The following ZMYND8 variants were observed in gnomAD, a reference collection of about 807,000 sequenced individuals.
ZMYND8 encodes the protein MYND-type zinc finger-containing chromatin reader ZMYND8.
ZMYND8 carries 37 observed loss-of-function variants against 140.8 expected under a neutral mutation model. The observed-to-expected ratio is 0.26, with a 90% CI of 0.20 to 0.35. The LOEUF (loss-of-function observed/expected upper bound fraction) is 0.35. Among genes scored for constraint, ZMYND8 ranks in the 10% least tolerant of loss-of-function variants. ZMYND8 has a pLI of 1.00. For synonymous variants in ZMYND8, 592 were observed against 597.1 expected (o/e 0.99, Z 0.12); for missense variants, 1,068 against 1,570.0 (o/e 0.68, Z 5.40).
In ZMYND8 at chr20:47,249,517, A is replaced by G. The variant is rs567430196; in HGVS notation, c.1622-78T>C. On this transcript the variant is annotated intron_variant, in intron 12 of 22. Coordinates refer to ENST00000471951, the MANE Select transcript of ZMYND8 (RefSeq NM_001281775.3). ...CGGAGCTTCGTCCTTGCAAAGTCAGAGCAAAACACACATTTTAGAACATGG... is the reference window on the plus strand; with the variant it reads ...CGGAGCTTCGTCCTTGCAAAGTCAGGGCAAAACACACATTTTAGAACATGG... The G allele has an allele frequency of 1.2e-5, 18 of 1,553,310 alleles. No homozygotes were observed. In the South Asian group the frequency reaches 2.0e-4, roughly 18 times the overall value.
At chr20:47,241,062 G>A (rs553294817) in intron 14 of ZMYND8, among the ~76,000 whole-genome samples, 6 of 151,914 alleles carry the variant, frequency 3.9e-5, no homozygotes, top group South Asian at 2.1e-4. Flanking sequence ...TTGGGAGGCC[G>A]AGGCGGGCAG....
At chr20:47,214,280 T>C (rs564450546) in intron 21 of ZMYND8, among the ~76,000 whole-genome samples, 1 of 152,358 alleles carries the variant, frequency 6.6e-6, no homozygotes, top group South Asian at 2.1e-4. Context: ...CAAACTGCTT[T>C]GGTGAGAAAA....
At chr20:47,276,009 A>G (rs1002598503) in intron 11 of ZMYND8, among the ~76,000 whole-genome samples, 2 of 152,228 alleles carry the variant, frequency 1.3e-5, no homozygotes, top group Non-Finnish European at 2.9e-5. Flanking sequence ...AAACAAAATT[A>G]TTTGTGTTAT....
chr20:47,211,494 C>T (rs1327839469), intron 22 of ZMYND8, among the ~76,000 whole-genome samples: 1 of 152,146 alleles, frequency 6.6e-6, no homozygotes, highest in East Asian at 1.9e-4. Context: ...AATTCAGAAT[C>T]AGAATAAGAC....
chr20:47,297,446 T>C lies in ZMYND8; in HGVS notation c.453+1283A>G, dbSNP rs565585336. On this transcript the variant is annotated intron_variant, in intron 4 of 22. Transcript: ENST00000471951. ...CTTTTTTTTTTCTTTTTTTGAGACA[T>C]GATCTTGCTTTATTTCCCAGGATAG... Among the ~76,000 whole-genome samples, 148 of 152,036 alleles carry C rather than the reference T, an allele frequency of 9.7e-4. 3 individuals are homozygous for C. The South Asian group carries it at 0.03, about 31-fold the overall frequency.
chr20:47,325,593 ACAGGTACT>A (rs2080342902), intron 2 of ZMYND8, among the ~76,000 whole-genome samples: 1 of 152,278 alleles, frequency 6.6e-6, no homozygotes, highest in African/African-American at 2.4e-5. Context: ...TCTCCTTTCA[ACAGGTACT>A]CAGCCATTCT....
At chr20:47,287,989 AG>A (rs2077031114) in intron 7 of ZMYND8, among the ~76,000 whole-genome samples, 1 of 152,254 alleles carries the variant, frequency 6.6e-6, no homozygotes, top group Non-Finnish European at 1.5e-5. Flanking sequence ...TAGCTAATAA[AG>A]TAACCATCTA....
intron 17 of ZMYND8, among the ~76,000 whole-genome samples, chr20:47,229,502 T>C (rs575399508): frequency 1.3e-5 from 2 of 152,324 alleles, no homozygotes; most frequent in African/African-American, 4.8e-5. Context: ...TTGGCTGTTT[T>C]ATTAGAAATG....
chr20:47,230,829 C>A (rs1475171041), intron 16 of ZMYND8, among the ~76,000 whole-genome samples: 1 of 152,088 alleles, frequency 6.6e-6, no homozygotes, highest in Non-Finnish European at 1.5e-5. Context: ...CGGCCTTAGT[C>A]TTCACCTCCT....
At chr20:47,335,764 A>G (rs2081344964) in intron 2 of ZMYND8, among the ~76,000 whole-genome samples, 1 of 152,226 alleles carries the variant, frequency 6.6e-6, no homozygotes, top group Admixed American at 6.5e-5. Context: ...AATTGCACAG[A>G]CACTGCCGAC....
At position 47,340,898 on chromosome 20, in the gene ZMYND8, G is replaced by A. The variant is rs375925116; in HGVS notation, c.85+6958C>T. On this transcript the variant is annotated intron_variant, in intron 2 of 22. Coordinates refer to ENST00000471951, the MANE Select transcript of ZMYND8 (RefSeq NM_001281775.3). ...GACAAAGGCTATAAACAAAATCAGA[G>A]GGATAGAGGACGCTCTGGATGCTGG... 9.2e-5 allele frequency among the ~76,000 whole-genome samples: 14 copies of A among 152,144 alleles called. No individual in the cohort carries two copies. In the East Asian group the frequency reaches 1.3e-3, roughly 15 times the overall value.
Position 47,239,089 on chromosome 20 carries a change from CG to C in ZMYND8, c.2333del (p.Pro778ArgfsTer42). ...PSTTVGSHSP[P>X]ETPVLTRSSA... ...AAGAGCGGGTGAGCACCGGTGTTTC[CG>C]GGGGAGAATGGCTGCCCACCGTCGT... is the stretch of plus-strand genomic sequence containing the variant. On this transcript the variant is annotated frameshift_variant, in exon 15 of 23. Transcript: ENST00000471951. LOFTEE classifies it high-confidence loss of function. 6.6e-7 allele frequency: 1 copy of C among 1,525,946 alleles called. No homozygotes were observed. The allele number at this position is 1,525,946 out of a possible 1,614,324, so 94.5% of individuals were successfully genotyped here. A position where few individuals can be genotyped will look rare whatever the true frequency, so the allele number is the denominator to read the frequency against.
intron 11 of ZMYND8, among the ~76,000 whole-genome samples, chr20:47,272,715 TCTC>T (rs2147748370): frequency 6.6e-6 from 1 of 152,344 alleles, no homozygotes; most frequent in South Asian, 2.1e-4. Flanking sequence ...AGCTCTGAGT[TCTC>T]CAATCTTCTA....
At chr20:47,211,527 T>C (rs1448714476) in intron 22 of ZMYND8, among the ~76,000 whole-genome samples, 1 of 152,058 alleles carries the variant, frequency 6.6e-6, no homozygotes, top group African/African-American at 2.4e-5. Flanking sequence ...CAAGGACACA[T>C]GGACAAGGAG....
At chr20:47,311,794 C>T (rs1291290665) in intron 2 of ZMYND8, among the ~76,000 whole-genome samples, 1 of 151,894 alleles carries the variant, frequency 6.6e-6, no homozygotes, top group East Asian at 1.9e-4. Context: ...CGCTTGAACC[C>T]AGGAGGCAGA....
At chr20:47,329,109 G>C (rs2080718136) in intron 2 of ZMYND8, among the ~76,000 whole-genome samples, 1 of 152,176 alleles carries the variant, frequency 6.6e-6, no homozygotes, top group African/African-American at 2.4e-5. Context: ...GCAAGCTCAG[G>C]AGGCAATGAC....
At chr20:47,318,280 T>C (rs2079577459) in intron 2 of ZMYND8, among the ~76,000 whole-genome samples, 1 of 152,170 alleles carries the variant, frequency 6.6e-6, no homozygotes, top group Non-Finnish European at 1.5e-5. Flanking sequence ...ACAGCCCTTT[T>C]CGTAATCACC....
intron 15 of ZMYND8, chr20:47,237,395 TG>T (rs2039386307): frequency 6.6e-6 from 1 of 151,808 alleles, no homozygotes; most frequent in Non-Finnish European, 1.5e-5. Flanking sequence ...TGGCCTCAAG[TG>T]ATCTGCCTGC....
rs750526369 is a variant in ZMYND8, at chr20:47,239,151, T to C, written c.2285-13A>G. 4.7e-6 allele frequency: 7 copies of C among 1,483,668 alleles called. No individual in the cohort carries two copies. The highest frequency in any genetic ancestry group is 1.8e-4 in the Middle Eastern group (1 of 5,440). The allele number at this position is 1,483,668 out of a possible 1,614,324, so 91.9% of individuals were successfully genotyped here. A position where few individuals can be genotyped will look rare whatever the true frequency, so the allele number is the denominator to read the frequency against. Reference sequence around the variant, plus strand: ...GTTTTACCTACAACTAGCCAATGCATGAAGAAAAAACAAACAAAAACCGGA... The same window carrying C: ...GTTTTACCTACAACTAGCCAATGCACGAAGAAAAAACAAACAAAAACCGGA... On this transcript the variant is annotated splice_polypyrimidine_tract_variant and intron_variant, in intron 14 of 22. Coordinates refer to ENST00000471951, the MANE Select transcript of ZMYND8 (RefSeq NM_001281775.3).
Sources: gnomAD v4.1 joint callset for allele counts (sites outside exome capture counted in the v4.1 genomes callset) on GRCh38, gnomAD v4.1.1 for gene constraint, MANE v1.5 for transcripts, NCBI Gene and HGNC (gene_info 2026-07-23, HGNC 2026-07-21) for gene names.